CEP164: variants seen among roughly 807,000 people sequenced by gnomAD.
CEP164 encodes centrosomal protein of 164 kDa.
Under a neutral mutation model 182.7 loss-of-function variants are expected in CEP164, and 162 were observed. That is an observed-to-expected ratio of 0.89 (90% CI 0.78 to 1.01). CEP164 has a LOEUF of 1.01. Ranked by LOEUF, CEP164 falls within the 50% of genes least tolerant of loss-of-function variation. CEP164 has a pLI of 0.00. For synonymous variants in CEP164, 661 were observed against 690.0 expected (o/e 0.96, Z 0.66); for missense variants, 1,735 against 1,790.4 (o/e 0.97, Z 0.56).
chr11:117,332,196 T>C (rs888581384), intron 1 of CEP164, among the ~76,000 whole-genome samples: 12 of 152,012 alleles, frequency 7.9e-5, no homozygotes, highest in African/African-American at 2.9e-4. Context: ...TATTTTAGGC[T>C]TTGTTGGAAA....
At chr11:117,341,457 T>G (rs2038111336) in intron 3 of CEP164, among the ~76,000 whole-genome samples, 1 of 152,034 alleles carries the variant, frequency 6.6e-6, no homozygotes. Flanking sequence ...GTTTGTTTTT[T>G]TTTTGAGACC....
intron 8 of CEP164, among the ~76,000 whole-genome samples, chr11:117,367,402 A>G (rs1398332682): frequency 6.6e-6 from 1 of 152,264 alleles, no homozygotes; most frequent in African/African-American, 2.4e-5. Context: ...AAGGCAGACT[A>G]GCATGAGCCC....
At chr11:117,393,241 T>G in intron 20 of CEP164, 115 bp downstream of exon 20, 14 of 1,403,564 alleles carry the variant, frequency 1.0e-5, no homozygotes, top group East Asian at 5.9e-5. Flanking sequence ...CCCGGGGTCC[T>G]TCCCACCTGG....
chr11:117,353,768 G>A (rs1027489453), intron 5 of CEP164, among the ~76,000 whole-genome samples: 4 of 152,182 alleles, frequency 2.6e-5, no homozygotes, highest in African/African-American at 9.7e-5. Flanking sequence ...TGCACTCACA[G>A]TCAGGTGGGG....
intron 14 of CEP164, chr11:117,386,656 G>C (rs1405307205): frequency 1.3e-5 from 2 of 153,444 alleles, no homozygotes; most frequent in Non-Finnish European, 2.9e-5. Flanking sequence ...CTATTCCTGG[G>C]CCTTCCTGGA....
At chr11:117,376,756 T>C (rs1477892985) in intron 11 of CEP164, among the ~76,000 whole-genome samples, 2 of 152,220 alleles carry the variant, frequency 1.3e-5, no homozygotes, top group African/African-American at 4.8e-5. Flanking sequence ...CAGGTCCTTG[T>C]TGGATCTTGG....
chr11:117,377,445 T>G (rs1219606958), intron 11 of CEP164, among the ~76,000 whole-genome samples: 1 of 152,170 alleles, frequency 6.6e-6, no homozygotes, highest in East Asian at 1.9e-4. Context: ...GTAACAGTGC[T>G]CAGTGTGGCT....
chr11:117,349,049 G>A (rs1438506787), intron 4 of CEP164, among the ~76,000 whole-genome samples: 1 of 151,630 alleles, frequency 6.6e-6, no homozygotes, highest in African/African-American at 2.4e-5. Flanking sequence ...TTGAGACAGA[G>A]TCTCGCTCTG....
intron 14 of CEP164, chr11:117,386,767 G>A (rs2044005120): frequency 5.5e-6 from 1 of 183,294 alleles, no homozygotes; most frequent in African/African-American, 2.4e-5. Context: ...CAATCTCTGG[G>A]GACTGTTCAC....
intron 13 of CEP164, 83 bp downstream of exon 13, chr11:117,381,951 A>T: frequency 1.9e-5 from 12 of 629,792 alleles, no homozygotes; most frequent in Non-Finnish European, 2.3e-5. Flanking sequence ...TAGTGCTGAG[A>T]GAGATGGGGG....
chr11:117,350,727 C>A (rs1592089377), intron 4 of CEP164, among the ~76,000 whole-genome samples: 2 of 152,214 alleles, frequency 1.3e-5, no homozygotes, highest in Middle Eastern at 6.8e-3. Flanking sequence ...GGCATCTTTA[C>A]AGACTTGAGT....
intron 32 of CEP164, 44 bp from the exon 33 acceptor site, chr11:117,412,028 T>C (rs2047415352): frequency 4.3e-6 from 7 of 1,612,476 alleles, no homozygotes; most frequent in Non-Finnish European, 5.9e-6. Context: ...GGCCCCTGCC[T>C]GGCTATGCCC....
chr11:117,362,002 G>C lies in CEP164; in HGVS notation c.552+9G>C. ...TTGGAGAACTCATGCTGGTAAGTACGTTCTCTTGCGTTCAGTGTCTGTAGT... is the reference window on the plus strand; with the variant it reads ...TTGGAGAACTCATGCTGGTAAGTACCTTCTCTTGCGTTCAGTGTCTGTAGT... On this transcript the variant is annotated intron_variant, in intron 6 of 32. Coordinates refer to ENST00000278935, the MANE Select transcript of CEP164 (RefSeq NM_014956.5). 6.5e-7 allele frequency: 1 copy of C among 1,546,440 alleles called. No homozygotes were observed. Among genetic ancestry groups the C allele is most frequent in the South Asian group, 1.3e-5 (1 of 78,138 alleles).
At chr11:117,354,836 G>A (rs2040125089) in intron 5 of CEP164, 3 of 715,754 alleles carry the variant, frequency 4.2e-6, no homozygotes, top group Non-Finnish European at 5.6e-6. Context: ...AATAGAGGGT[G>A]GGTTTTTGCT....
At chr11:117,395,046 C>G in intron 22 of CEP164, 43 bp downstream of exon 22, 1 of 1,612,982 alleles carries the variant, frequency 6.2e-7, no homozygotes, top group East Asian at 2.2e-5. Context: ...GTCATAGCTT[C>G]TCTAGCAGAG....
intron 3 of CEP164, among the ~76,000 whole-genome samples, chr11:117,340,575 C>T (rs954422036): frequency 3.9e-5 from 6 of 152,168 alleles, no homozygotes; most frequent in Admixed American, 6.5e-5. Flanking sequence ...TACTCTGTCA[C>T]CCAGGCTAGT....
At chr11:117,385,851 T>G (rs2043885908) in intron 14 of CEP164, 1 of 152,220 alleles carries the variant, frequency 6.6e-6, no homozygotes, top group Non-Finnish European at 1.5e-5. Context: ...GTTATGATTT[T>G]AGGAAAGGGG....
intron 24 of CEP164, 74 bp from the exon 25 acceptor site, chr11:117,395,980 G>T (rs2045389730): frequency 1.3e-6 from 2 of 1,590,250 alleles, no homozygotes; most frequent in Non-Finnish European, 1.7e-6. Flanking sequence ...GGGTGGAGAT[G>T]GTTCTGACCC....
intron 1 of CEP164, among the ~76,000 whole-genome samples, chr11:117,328,421 T>C (rs554383648): frequency 6.6e-6 from 1 of 152,372 alleles, no homozygotes; most frequent in Admixed American, 6.5e-5. Context: ...TTTTTGTTTT[T>C]TCCTTTTCTT....
Sources: allele counts gnomAD v4.1 joint callset (sites outside exome capture counted in the v4.1 genomes callset), GRCh38; gene constraint gnomAD v4.1.1; transcripts MANE v1.5; gene names NCBI Gene and HGNC (gene_info 2026-07-23, HGNC 2026-07-21).